TGFBI: variants seen among roughly 807,000 people sequenced by gnomAD.
TGFBI encodes transforming growth factor-beta-induced protein ig-h3.
In TGFBI, 50 loss-of-function variants were observed where a neutral mutation model predicts 73.7. That is an observed-to-expected ratio of 0.68 (90% confidence interval 0.54 to 0.86). TGFBI has a LOEUF of 0.86. Ranked by LOEUF, TGFBI falls within the 40% of genes least tolerant of loss-of-function variation. The pLI, the probability that TGFBI is intolerant of heterozygous loss-of-function variation, is 0.00. For synonymous variants in TGFBI, 362 were observed against 360.5 expected (o/e 1.00, Z -0.05); for missense variants, 839 against 877.0 (o/e 0.96, Z 0.55).
rs1751620936 is a variant in TGFBI, at chr5:136,055,821, T to C, written c.1547+5T>C. 6.3e-7 allele frequency: 1 copy of C among 1,599,478 alleles called. No individual in the cohort carries two copies. Among genetic ancestry groups the C allele is most frequent in the Non-Finnish European group, 8.6e-7 (1 of 1,169,348 alleles). ...GAAGGGAGACAATCGCTTTAGGTAA[T>C]TAGTTCCATCCCCGGGTGGAGCTTC... On this transcript the variant is annotated splice_donor_5th_base_variant and intron_variant, in intron 11 of 16. Transcript: ENST00000442011.
intron 13 of TGFBI, among the ~76,000 whole-genome samples, chr5:136,059,532 T>C (rs1010813831): frequency 6.6e-6 from 1 of 152,050 alleles, no homozygotes; most frequent in African/African-American, 2.4e-5. Flanking sequence ...AAGAGATCAG[T>C]CTGTACTCAC....
chr5:136,042,361 G>A (rs749413938), intron 2 of TGFBI, among the ~76,000 whole-genome samples: 15 of 152,202 alleles, frequency 9.9e-5, no homozygotes, highest in Non-Finnish European at 1.5e-4. Flanking sequence ...CCAAGAAACT[G>A]AGACCAGAGA....
At chr5:136,051,214 G>A (rs903814653) in intron 7 of TGFBI, among the ~76,000 whole-genome samples, 1 of 152,150 alleles carries the variant, frequency 6.6e-6, no homozygotes, top group Admixed American at 6.5e-5. Flanking sequence ...CAGATCACTT[G>A]AGGCTGAGAG....
intron 2 of TGFBI, among the ~76,000 whole-genome samples, chr5:136,042,674 G>GA (rs138820013): frequency 0.3 from 45,302 of 150,914 alleles, 6,871 homozygotes; most frequent in South Asian, 0.37. Context: ...AAGCAAACAG[G>GA]AAAAAAAAAG....
At chr5:136,046,621 C>T in intron 4 of TGFBI, 126 bp downstream of exon 4, 1 of 1,330,016 alleles carries the variant, frequency 7.5e-7, no homozygotes, top group Non-Finnish European at 1.0e-6. Context: ...CTCCTTAACC[C>T]CTTAGAAAAG....
At chr5:136,042,906 C>T (rs897938735) in intron 2 of TGFBI, among the ~76,000 whole-genome samples, 1 of 152,168 alleles carries the variant, frequency 6.6e-6, no homozygotes, top group Non-Finnish European at 1.5e-5. Context: ...ACTGAGAGCA[C>T]CTTCCAGAGG....
intron 2 of TGFBI, among the ~76,000 whole-genome samples, chr5:136,034,367 T>C (rs1751180540): frequency 1.3e-5 from 2 of 151,956 alleles, no homozygotes; most frequent in South Asian, 4.2e-4. Flanking sequence ...ACCCTAGCTC[T>C]ACCTGGGCCA....
chr5:136,047,421 G>A lies in TGFBI; in HGVS notation c.771+1G>A, dbSNP rs1216415814. 1 of 1,613,736 alleles carries A rather than the reference G, an allele frequency of 6.2e-7. No homozygotes were observed. Among genetic ancestry groups the A allele is most frequent in the African/African-American group, 1.3e-5 (1 of 74,912 alleles). On this transcript the variant is annotated splice_donor_variant, in intron 6 of 16. Coordinates refer to ENST00000442011, the MANE Select transcript of TGFBI (RefSeq NM_000358.3). LOFTEE classifies it high-confidence loss of function. ...CGAGGACACCTTTGAGACCCTTCGG[G>A]TAAGGGACTGCCCTGGGTGGAGGCC...
Position 136,044,086 on chromosome 5 carries a change from T to G in TGFBI, c.262T>G (p.Tyr88Asp). ...CATCAGCTACGAGTGCTGTCCTGGA[T>G]ATGAAAAGGTCCCTGGGGAGAAGGG... The part of the protein sequence containing the change: ...TVISYECCPG[Y>D]EKVPGEKGCP... The change falls in exon 3 of 17, where the codon TAT becomes GAT. Residue 88 changes from tyrosine (Y) to aspartate (D), a missense_variant. Tyr to Asp is a radical substitution (Grantham distance 160). Coordinates refer to ENST00000442011, the MANE Select transcript of TGFBI (RefSeq NM_000358.3). 2 of 1,613,212 alleles carry G rather than the reference T, an allele frequency of 1.2e-6. No homozygotes were observed. Among genetic ancestry groups the G allele is most frequent in the Non-Finnish European group, 1.7e-6 (2 of 1,179,486 alleles).
intron 2 of TGFBI, among the ~76,000 whole-genome samples, chr5:136,036,101 A>C (rs1167953274): frequency 6.6e-6 from 1 of 152,200 alleles, no homozygotes; most frequent in African/African-American, 2.4e-5. Flanking sequence ...AATGTTCCTG[A>C]TGAGCAGGTC....
chr5:136,034,487 G>A (rs1341371341), intron 2 of TGFBI, among the ~76,000 whole-genome samples: 1 of 151,826 alleles, frequency 6.6e-6, no homozygotes, highest in African/African-American at 2.4e-5. Flanking sequence ...GTACATAAGA[G>A]ACTGAATATG....
chr5:136,046,565 G>A, intron 4 of TGFBI, 70 bp downstream of exon 4: 1 of 1,485,104 alleles, frequency 6.7e-7, no homozygotes. Flanking sequence ...GGGTGGGCAT[G>A]ATGAATGGGA....
intron 14 of TGFBI, 46 bp downstream of exon 14, chr5:136,060,982 A>C: frequency 1.0e-5 from 14 of 1,374,598 alleles, no homozygotes; most frequent in Non-Finnish European, 1.4e-5. Context: ...CCTTTTCTTC[A>C]TGTGGCAGTT....
chr5:136,030,125 T>C (rs1478459518), intron 1 of TGFBI, among the ~76,000 whole-genome samples: 1 of 152,206 alleles, frequency 6.6e-6, no homozygotes, highest in Non-Finnish European at 1.5e-5. Flanking sequence ...TTGCACCAAC[T>C]TCTTTTTCAT....
intron 2 of TGFBI, among the ~76,000 whole-genome samples, chr5:136,038,365 G>C (rs547973044): frequency 2.0e-5 from 3 of 152,310 alleles, no homozygotes; most frequent in South Asian, 4.1e-4. Flanking sequence ...AGGATCATAA[G>C]AGGGAGAGAT....
At chr5:136,049,653 A>G in intron 7 of TGFBI, 73 bp downstream of exon 7, 1 of 1,523,864 alleles carries the variant, frequency 6.6e-7, no homozygotes, top group South Asian at 1.2e-5. Context: ...CTCTGGTCCA[A>G]GATGAACATA....
In TGFBI at chr5:136,029,141, C is replaced by G. The variant is rs1426822915; in HGVS notation, c.86C>G (p.Pro29Arg). Residue 29 changes from proline to arginine, a missense_variant, in exon 1 of 17, where the codon CCC (proline) becomes CGC (arginine). By Grantham distance (103) the Pro-to-Arg change is moderately radical (BLOSUM62 -2). Coordinates refer to ENST00000442011, the MANE Select transcript of TGFBI (RefSeq NM_000358.3). Reference protein sequence around the residue: ...AATLAGPAKSPYQLVLQHSRL... With the variant: ...AATLAGPAKSRYQLVLQHSRL... ...ACCCTGGCGGGTCCCGCCAAGTCGC[C>G]CTACCAGCTGGTGCTGCAGCACAGC... 6.6e-7 allele frequency: 1 copy of G among 1,524,702 alleles called. No individual in the cohort carries two copies. The highest frequency in any genetic ancestry group is 8.7e-7 in the Non-Finnish European group (1 of 1,142,916). 94.4% of individuals were successfully genotyped at this position (1,524,702 alleles called of 1,614,324 possible). A position where few individuals can be genotyped will look rare whatever the true frequency, so the allele number is the denominator to read the frequency against.
intron 14 of TGFBI, 73 bp from the exon 15 acceptor site, chr5:136,061,417 CCAGTGCCCCT>C: frequency 1.0e-6 from 1 of 974,376 alleles, no homozygotes; most frequent in African/African-American, 1.6e-5. Context: ...AGAAAGCCCA[CCAGTGCCCCT>C]CAGTCACGGT....
chr5:136,042,431 T>C (rs1377422499), intron 2 of TGFBI, among the ~76,000 whole-genome samples: 1 of 152,346 alleles, frequency 6.6e-6, no homozygotes, highest in South Asian at 2.1e-4. Flanking sequence ...TCAAATCTCC[T>C]GATTCTAGCA....
Sources: gnomAD v4.1 joint callset for allele counts (sites outside exome capture counted in the v4.1 genomes callset) on GRCh38, gnomAD v4.1.1 for gene constraint, MANE v1.5 for transcripts, NCBI Gene and HGNC (gene_info 2026-07-23, HGNC 2026-07-21) for gene names.